The following TNR variants were observed in gnomAD, a reference collection of about 807,000 sequenced individuals.
TNR encodes the protein tenascin-R.
In TNR, 45 loss-of-function variants were observed where a neutral mutation model predicts 150.4. The observed-to-expected ratio is 0.30, with a 90% CI of 0.24 to 0.38. The LOEUF (loss-of-function observed/expected upper bound fraction) is 0.38, where lower values mean the gene tolerates loss of function less well. TNR is among the 10% of genes least tolerant of loss of function. The probability of loss-of-function intolerance (pLI) is 1.00; values close to 1 mark genes in which losing one functional copy is unlikely to be tolerated. For missense variants in TNR, 1,544 were observed against 1,759.1 expected, an observed-to-expected ratio of 0.88 and a Z score of 2.19; for synonymous variants, 687 against 678.4, an observed-to-expected ratio of 1.01 and a Z score of -0.20.
intron 1 of TNR, among the ~76,000 whole-genome samples, chr1:175,627,037 C>T (rs1664177061): frequency 6.6e-6 from 1 of 152,212 alleles, no homozygotes; most frequent in Non-Finnish European, 1.5e-5. Context: ...ATCCTGTTAT[C>T]ACCTTGATTT....
intron 18 of TNR, among the ~76,000 whole-genome samples, chr1:175,342,976 G>A: frequency 6.6e-6 from 1 of 152,088 alleles, no homozygotes; most frequent in East Asian, 1.9e-4. Flanking sequence ...GCCCCTGTCT[G>A]TGGCTCTTGA....
chr1:175,441,885 G>A (rs575974199), intron 2 of TNR, among the ~76,000 whole-genome samples: 1 of 152,298 alleles, frequency 6.6e-6, no homozygotes, highest in East Asian at 1.9e-4. Context: ...CAAGGTGGTG[G>A]GGGTTAGATA....
intron 1 of TNR, among the ~76,000 whole-genome samples, chr1:175,530,659 T>C (rs1391283079): frequency 6.6e-6 from 1 of 152,234 alleles, no homozygotes; most frequent in Non-Finnish European, 1.5e-5. Context: ...CTAATTTGTT[T>C]ATGCATACAT....
intron 2 of TNR, among the ~76,000 whole-genome samples, chr1:175,429,726 G>C (rs1441217042): frequency 6.6e-6 from 1 of 152,106 alleles, no homozygotes; most frequent in Non-Finnish European, 1.5e-5. Flanking sequence ...AACTGGGTAG[G>C]GTCTAGAATA....
At chr1:175,439,576 G>C (rs1655684517) in intron 2 of TNR, among the ~76,000 whole-genome samples, 1 of 152,176 alleles carries the variant, frequency 6.6e-6, no homozygotes, top group African/African-American at 2.4e-5. Context: ...ACTACCATCA[G>C]AGTGAACAGG....
intron 1 of TNR, among the ~76,000 whole-genome samples, chr1:175,687,238 G>A (rs981605064): frequency 6.6e-6 from 1 of 152,110 alleles, no homozygotes; most frequent in African/African-American, 2.4e-5. Context: ...GGAGAAAAGA[G>A]AACATCATCA....
intron 1 of TNR, among the ~76,000 whole-genome samples, chr1:175,544,223 T>C (rs1438390720): frequency 4.6e-5 from 7 of 152,248 alleles, no homozygotes; most frequent in Admixed American, 1.3e-4. Flanking sequence ...GCAGAAATGG[T>C]CTCTAGGGAA....
intron 1 of TNR, among the ~76,000 whole-genome samples, chr1:175,600,477 G>C (rs759402346): frequency 2.4e-4 from 36 of 152,198 alleles, no homozygotes; most frequent in Non-Finnish European, 4.6e-4. Flanking sequence ...AGAAAGCAAG[G>C]CTTCTGTTTA....
chr1:175,484,280 A>G (rs573052546), intron 2 of TNR, among the ~76,000 whole-genome samples: 2 of 151,512 alleles, frequency 1.3e-5, no homozygotes, highest in African/African-American at 4.8e-5. Context: ...CCTCTCTCCC[A>G]CCCCACATAT....
intron 1 of TNR, among the ~76,000 whole-genome samples, chr1:175,640,707 A>G (rs560027303): frequency 6.6e-6 from 1 of 151,932 alleles, no homozygotes; most frequent in East Asian, 1.9e-4. Context: ...CCTTTAAAGT[A>G]CCTGGGCTAA....
chr1:175,454,495 G>C lies in TNR; in HGVS notation c.-63-47718C>G, dbSNP rs566736590. On this transcript the variant is annotated intron_variant, in intron 2 of 22. Transcript: ENST00000367674. ...ATTCATTTATTTATTTTTTGAGACA[G>C]AGTCTCGCTCTGTTGCCCAGGCTGG... is the stretch of plus-strand genomic sequence containing the variant. 1.5e-4 allele frequency among the ~76,000 whole-genome samples: 23 copies of C among 150,988 alleles called. 1 individual carries two copies. The highest frequency in any genetic ancestry group is 4.6e-4 in the African/African-American group (19 of 41,470).
chr1:175,399,297 G>C (rs1421548070), intron 4 of TNR, among the ~76,000 whole-genome samples: 2 of 152,148 alleles, frequency 1.3e-5, no homozygotes, highest in Non-Finnish European at 2.9e-5. Flanking sequence ...AATTCTTAGG[G>C]CATTTGGAAC....
chr1:175,389,259 C>T (rs949652031), intron 7 of TNR, among the ~76,000 whole-genome samples: 1 of 152,200 alleles, frequency 6.6e-6, no homozygotes, highest in African/African-American at 2.4e-5. Context: ...ATCTCCTGAC[C>T]CTTCTTCTCC....
intron 2 of TNR, among the ~76,000 whole-genome samples, chr1:175,517,862 C>A (rs908819993): frequency 6.6e-6 from 1 of 152,012 alleles, no homozygotes; most frequent in East Asian, 1.9e-4. Context: ...GCTAGTCTAC[C>A]CACTGTGCAT....
At chr1:175,661,986 C>T (rs1665390002) in intron 1 of TNR, among the ~76,000 whole-genome samples, 1 of 152,086 alleles carries the variant, frequency 6.6e-6, no homozygotes, top group Non-Finnish European at 1.5e-5. Context: ...CCGCTTTCAT[C>T]CCCAGCCCCT....
chr1:175,491,943 C>T lies in TNR; in HGVS notation c.-64+36326G>A, dbSNP rs116335402. ...GGATTACAGCGTGAGCCACCACGCC[C>T]AGCCAGGCCCAGACTTTTAAACGAT... On this transcript the variant is annotated intron_variant, in intron 2 of 22. Transcript: ENST00000367674. Among the ~76,000 whole-genome samples, 296 of 150,574 alleles carry T rather than the reference C, an allele frequency of 2.0e-3. 1 individual carries two copies. Among genetic ancestry groups the T allele is most frequent in the African/African-American group, 6.9e-3 (284 of 40,992 alleles).
intron 1 of TNR, among the ~76,000 whole-genome samples, chr1:175,583,588 A>T (rs1403953573): frequency 6.6e-6 from 1 of 152,134 alleles, no homozygotes; most frequent in Non-Finnish European, 1.5e-5. Context: ...GCACTGGGAG[A>T]CTGCATGGAC....
chr1:175,629,601 G>A (rs2101872030), intron 1 of TNR, among the ~76,000 whole-genome samples: 1 of 152,288 alleles, frequency 6.6e-6, no homozygotes, highest in South Asian at 2.1e-4. Flanking sequence ...TCAGAGGGGT[G>A]GAGCTAGGAG....
At chr1:175,433,901 G>A (rs1033653333) in intron 2 of TNR, among the ~76,000 whole-genome samples, 5 of 152,094 alleles carry the variant, frequency 3.3e-5, no homozygotes, top group African/African-American at 4.8e-5. Flanking sequence ...TTAGTACCCC[G>A]CTTGCTCCTC....
Sources: allele counts gnomAD v4.1 joint callset (sites outside exome capture counted in the v4.1 genomes callset), GRCh38; gene constraint gnomAD v4.1.1; transcripts MANE v1.5; gene names NCBI Gene and HGNC (gene_info 2026-07-23, HGNC 2026-07-21).